AGMO: variants seen among roughly 807,000 people sequenced by gnomAD.
The protein encoded by AGMO is alkylglycerol monooxygenase.
AGMO carries 75 observed loss-of-function variants against 60.2 expected under a neutral mutation model. That is an observed-to-expected ratio of 1.25 (90% CI 1.03 to 1.51). The LOEUF (loss-of-function observed/expected upper bound fraction) is 1.51. Ranked by LOEUF, AGMO falls within the 40% of genes most tolerant of loss-of-function variation. The pLI is 0.00. For synonymous variants in AGMO, 261 were observed against 177.1 expected, an observed-to-expected ratio of 1.47 and a Z score of -3.76; for missense variants, 763 against 525.5, an observed-to-expected ratio of 1.45 and a Z score of -4.42.
the AGMO span, among the ~76,000 whole-genome samples, chr7:15,159,249 G>A: frequency 1.1e-4 from 16 of 152,276 alleles, no homozygotes; most frequent in East Asian, 1.7e-3. Context: ...ATAGGGAAAT[G>A]TAAGAAACCT....
chr7:15,509,524 A>C (rs10807779), intron 3 of AGMO, among the ~76,000 whole-genome samples: 123,497 of 151,910 alleles, frequency 0.81, 50,406 homozygotes, highest in East Asian at 0.97. Context: ...TTGACCTTGG[A>C]AATTTTTTTT....
At chr7:15,198,774 T>A (rs1781200456), downstream of AGMO, among the ~76,000 whole-genome samples, 1 of 151,856 alleles carries the variant, frequency 6.6e-6, no homozygotes, top group Admixed American at 6.6e-5. Flanking sequence ...ACCAGATGAG[T>A]CAGTTTATCC....
chr7:15,247,459 C>CAG (rs35939832), intron 12 of AGMO, among the ~76,000 whole-genome samples: 60 of 115,280 alleles, frequency 5.2e-4, no homozygotes, highest in African/African-American at 6.7e-4. Flanking sequence ...CACACACACA[C>CAG]AGAGAGAGAG....
intron 5 of AGMO, among the ~76,000 whole-genome samples, chr7:15,410,265 T>C (rs1382511135): frequency 1.3e-5 from 2 of 151,810 alleles, no homozygotes; most frequent in African/African-American, 4.8e-5. Context: ...AGCAAGATGC[T>C]ACAAGAATAG....
At chr7:15,120,374 A>G in the AGMO span, among the ~76,000 whole-genome samples, 1 of 152,162 alleles carries the variant, frequency 6.6e-6, no homozygotes, top group Non-Finnish European at 1.5e-5. Context: ...TTCTTAATAT[A>G]TATTAATATG....
intron 5 of AGMO, among the ~76,000 whole-genome samples, chr7:15,400,599 A>T (rs1039852808): frequency 3.3e-4 from 51 of 152,296 alleles, no homozygotes; most frequent in African/African-American, 1.0e-3. Context: ...TACCAGGACC[A>T]AAGGCAAAGC....
chr7:15,289,321 T>C (rs1222242538), intron 12 of AGMO, among the ~76,000 whole-genome samples: 4 of 151,754 alleles, frequency 2.6e-5, no homozygotes, highest in Admixed American at 2.0e-4. Context: ...TTATTTATTA[T>C]CAAATTTATG....
intron 3 of AGMO, among the ~76,000 whole-genome samples, chr7:15,484,645 C>G (rs1782865033): frequency 6.6e-6 from 1 of 152,226 alleles, no homozygotes; most frequent in African/African-American, 2.4e-5. Context: ...AAAAAACAAT[C>G]TTTCACCCAA....
At chr7:15,358,559 T>C (rs928155025) in intron 12 of AGMO, 2 of 381,520 alleles carry the variant, frequency 5.2e-6, no homozygotes, top group Non-Finnish European at 5.4e-6. Flanking sequence ...GCAGGTGGGA[T>C]TTTCTGCACT....
At chr7:15,465,324 A>G (rs926366969) in intron 3 of AGMO, among the ~76,000 whole-genome samples, 8 of 151,228 alleles carry the variant, frequency 5.3e-5, no homozygotes, top group Non-Finnish European at 1.0e-4. Flanking sequence ...TTCCGAAATT[A>G]GAGTGTGTGT....
chr7:15,342,652 C>T (rs74930335), intron 12 of AGMO, among the ~76,000 whole-genome samples: 201 of 151,560 alleles, frequency 1.3e-3, no homozygotes, highest in African/African-American at 4.6e-3. Context: ...CCTGATTTTG[C>T]GCGCGTGTGT....
chr7:15,421,559 T>G (rs577726745), intron 4 of AGMO, among the ~76,000 whole-genome samples: 27 of 152,208 alleles, frequency 1.8e-4, no homozygotes, highest in Admixed American at 1.0e-3. Flanking sequence ...ATTTAAGGAT[T>G]TGGCAGCTGT....
At chr7:15,305,369 G>C (rs144273618) in intron 12 of AGMO, among the ~76,000 whole-genome samples, 64 of 152,026 alleles carry the variant, frequency 4.2e-4, no homozygotes, top group African/African-American at 1.4e-3. Flanking sequence ...GGAAAAATGA[G>C]GATTGGCACT....
At chr7:15,386,819 A>T (rs565135087) in intron 9 of AGMO, among the ~76,000 whole-genome samples, 7 of 152,308 alleles carry the variant, frequency 4.6e-5, no homozygotes, top group Admixed American at 1.3e-4. Flanking sequence ...TCCCCAGAAG[A>T]GTAATTTTGG....
At chr7:15,390,589 T>C in intron 8 of AGMO, 82 bp downstream of exon 8, 1 of 1,172,332 alleles carries the variant, frequency 8.5e-7, no homozygotes, top group Non-Finnish European at 1.2e-6. Flanking sequence ...ATACTTTCAC[T>C]TTTCTACAGC....
At chr7:15,352,455 T>A (rs1563103533) in intron 12 of AGMO, among the ~76,000 whole-genome samples, 1 of 151,912 alleles carries the variant, frequency 6.6e-6, no homozygotes, top group Non-Finnish European at 1.5e-5. Context: ...ATGTTTTTTT[T>A]TTTTTTTCCT....
intron 3 of AGMO, among the ~76,000 whole-genome samples, chr7:15,531,192 T>G (rs1348881680): frequency 1.1e-5 from 1 of 90,396 alleles, no homozygotes; most frequent in Non-Finnish European, 2.0e-5. Context: ...TCTATATATA[T>G]TCTATATATA....
At chr7:15,482,196 T>C (rs2128517726) in intron 3 of AGMO, among the ~76,000 whole-genome samples, 1 of 151,516 alleles carries the variant, frequency 6.6e-6, no homozygotes, top group Non-Finnish European at 1.5e-5. Flanking sequence ...AGGAAACAAA[T>C]GTGTGGTACT....
intron 12 of AGMO, among the ~76,000 whole-genome samples, chr7:15,210,027 TATG>T (rs1206089020): frequency 6.6e-6 from 1 of 152,106 alleles, no homozygotes; most frequent in African/African-American, 2.4e-5. Flanking sequence ...ATGATGATGA[TATG>T]ATGATAATAA....
Sources: allele counts gnomAD v4.1 joint callset (sites outside exome capture counted in the v4.1 genomes callset), GRCh38; gene constraint gnomAD v4.1.1; transcripts MANE v1.5; gene names NCBI Gene and HGNC (gene_info 2026-07-23, HGNC 2026-07-21).